The following GDI2 variants were observed in gnomAD, a reference collection of about 807,000 sequenced individuals.
GDI2 encodes the protein GDP dissociation inhibitor 2.
Under a neutral mutation model 54.2 loss-of-function variants are expected in GDI2, and 22 were observed. That is an observed-to-expected ratio of 0.41 (90% CI 0.29 to 0.58). The LOEUF (loss-of-function observed/expected upper bound fraction) is 0.58, where lower values mean the gene tolerates loss of function less well. GDI2 is among the 20% of genes least tolerant of loss of function. The pLI, the probability that GDI2 is intolerant of heterozygous loss-of-function variation, is 0.35. For missense variants in GDI2, 422 were observed against 546.0 expected (o/e 0.77, Z 2.26); for synonymous variants, 177 against 182.1 (o/e 0.97, Z 0.23).
rs1554791052 is a variant in GDI2, at chr10:5,809,244, C to CA, written c.45+3969dup. ...TGGGCAACAGAGTGAGACTCCATCT[C>CA]AAAAAAAAACAAAAAAAAAAACTGT... On this transcript the variant is annotated intron_variant, in intron 1 of 10. Coordinates refer to ENST00000380191, the MANE Select transcript of GDI2 (RefSeq NM_001494.4). Among the ~76,000 whole-genome samples, 183 of 134,214 alleles carry CA rather than the reference C, an allele frequency of 1.4e-3. 2 individuals are homozygous for CA. The highest frequency in any genetic ancestry group is 3.8e-3 in the African/African-American group (139 of 36,234). 88.0% of individuals were successfully genotyped at this position (134,214 alleles called of 152,430 possible).
At chr10:5,809,244 C>CAAAAAAAAACAAAAAAAAAAAACAAA (rs150113283) in intron 1 of GDI2, among the ~76,000 whole-genome samples, 1 of 134,170 alleles carries the variant, frequency 7.5e-6, no homozygotes, top group South Asian at 2.4e-4. Flanking sequence ...GACTCCATCT[C>CAAAAAAAAACAAAAAAAAAAAACAAA]AAAAAAAAAC....
At position 5,813,107 on chromosome 10, in the gene GDI2, G is replaced by A. The variant is rs977474594; in HGVS notation, c.45+107C>T. The A allele has an allele frequency of 1.2e-5, 8 of 655,486 alleles. No individual in the cohort carries two copies. The African/African-American group carries it at 1.5e-4, about 13-fold the overall frequency. 40.6% of individuals were successfully genotyped at this position (655,486 alleles called of 1,614,324 possible). A position where few individuals can be genotyped will look rare whatever the true frequency, so the allele number is the denominator to read the frequency against. ...GACTCCCGTCCCGAAAACTACGGCT[G>A]ACGGCAGAACGAGACCCCCGAGGAG... On this transcript the variant is annotated intron_variant, in intron 1 of 10. Transcript: ENST00000380191.
In GDI2 at chr10:5,785,898, C is replaced by T. The variant is rs748807997; in HGVS notation, c.541G>A (p.Val181Ile). The change falls in exon 5 of 11, where the codon GTT (valine) becomes ATT (isoleucine). Residue 181 changes from valine (V) to isoleucine (I), a missense_variant. Physicochemically the swap from Val to Ile is conservative, Grantham distance 29. Coordinates refer to ENST00000380191, the MANE Select transcript of GDI2 (RefSeq NM_001494.4). ...VYKKFDLGQD[V>I]IDFTGHALAL... ...AGAGCATGACCAGTAAAATCTATAACGTCTTGACCCAAATCAAATTTCTTA... is the reference window on the plus strand; with the variant it reads ...AGAGCATGACCAGTAAAATCTATAATGTCTTGACCCAAATCAAATTTCTTA... 9 of 1,611,688 alleles carry T rather than the reference C, an allele frequency of 5.6e-6. No homozygotes were observed. The highest frequency in any genetic ancestry group is 4.0e-5 in the African/African-American group (3 of 74,886).
At position 5,781,436 on chromosome 10, in the gene GDI2, G is replaced by T. The variant is rs57798956; in HGVS notation, c.719+3706C>A. Among the ~76,000 whole-genome samples the T allele has an allele frequency of 7.1e-3, 1,071 of 150,626 alleles. 20 individuals carry two copies. Among genetic ancestry groups the T allele is most frequent in the African/African-American group, 0.024 (990 of 41,022 alleles). On this transcript the variant is annotated intron_variant, in intron 6 of 10. Transcript: ENST00000380191. ...AAGTCAGCAGATCGACACCATCCCG[G>T]CTAACAGTGAAACCCCGTCTCTACT...
chr10:5,789,396 G>A (rs998493959), intron 4 of GDI2, among the ~76,000 whole-genome samples: 43 of 151,862 alleles, frequency 2.8e-4, no homozygotes, highest in Admixed American at 2.6e-3. Flanking sequence ...CACAGTAGCC[G>A]GCCAAATGAT....
chr10:5,812,606 A>G (rs770190500), intron 1 of GDI2, among the ~76,000 whole-genome samples: 15 of 152,234 alleles, frequency 9.9e-5, no homozygotes, highest in Non-Finnish European at 2.2e-4. Context: ...GGGTGGCTAA[A>G]AGGATTCAAT....
Position 5,776,505 on chromosome 10 carries a change from A to G in GDI2, c.720-2564T>C, listed in dbSNP as rs1162625459. 7.4e-7 allele frequency: 1 copy of G among 1,350,954 alleles called. No homozygotes were observed. The highest frequency in any genetic ancestry group is 1.7e-5 in the Admixed American group (1 of 59,016). 83.7% of individuals were successfully genotyped at this position (1,350,954 alleles called of 1,614,324 possible). A position where few individuals can be genotyped will look rare whatever the true frequency, so the allele number is the denominator to read the frequency against. ...GCCATGTATTAGAAGCAAAGGCCCG[A>G]AAGATAAAACAATTATAGAGAAGCA... On this transcript the variant is annotated intron_variant, in intron 6 of 10. Transcript: ENST00000380191. The surrounding 1 kb of genome is among the most constrained non-coding windows in gnomAD (Gnocchi z 5.3).
chr10:5,793,229 A>G (rs895147022), intron 4 of GDI2, among the ~76,000 whole-genome samples: 28 of 152,238 alleles, frequency 1.8e-4, no homozygotes, highest in African/African-American at 6.3e-4. Flanking sequence ...TCCTGGCCTA[A>G]ATCAATCCTC....
chr10:5,795,948 T>G (rs1304444838), intron 3 of GDI2, among the ~76,000 whole-genome samples: 1 of 151,272 alleles, frequency 6.6e-6, no homozygotes, highest in Non-Finnish European at 1.5e-5. Flanking sequence ...AAACAAACAA[T>G]AGAATATAAA....
At chr10:5,777,088 G>A (rs1455601983) in intron 6 of GDI2, among the ~76,000 whole-genome samples, 1 of 152,172 alleles carries the variant, frequency 6.6e-6, no homozygotes, top group African/African-American at 2.4e-5. Context: ...CTAAATTCAT[G>A]GAGGTTCAGT....
At position 5,800,627 on chromosome 10, in the gene GDI2, C is replaced by T; in HGVS notation, c.124G>A (p.Glu42Lys). The change falls in exon 2 of 11, where the codon GAG becomes AAG. Residue 42 changes from glutamate to lysine, a missense_variant. Transcript: ENST00000380191. The part of the protein sequence containing the change: ...HMDRNPYYGG[E>K]SASITPLEDL... ...TCCAATGGTGTTATAGATGCACTCT[C>T]TCCTCCGTAGTAAGGGTTTCGATCC... 1 of 1,585,034 alleles carries T rather than the reference C, an allele frequency of 6.3e-7. No individual in the cohort carries two copies. Among genetic ancestry groups the T allele is most frequent in the Non-Finnish European group, 8.7e-7 (1 of 1,153,446 alleles).
At chr10:5,812,300 G>A (rs1488248996) in intron 1 of GDI2, among the ~76,000 whole-genome samples, 1 of 151,954 alleles carries the variant, frequency 6.6e-6, no homozygotes, top group African/African-American at 2.4e-5. Flanking sequence ...CAGATAACCA[G>A]GAAAATCAAT....
intron 1 of GDI2, 128 bp downstream of exon 1, chr10:5,813,086 C>T (rs1459257257): frequency 3.5e-6 from 2 of 570,844 alleles, no homozygotes; most frequent in Non-Finnish European, 5.9e-6. Context: ...AGCCACGACT[C>T]CCGTCCCGAA....
At chr10:5,781,327 T>TAA (rs370529291) in intron 6 of GDI2, among the ~76,000 whole-genome samples, 3 of 146,674 alleles carry the variant, frequency 2.0e-5, no homozygotes, top group African/African-American at 7.5e-5. Context: ...TGGGGGCAAG[T>TAA]AAAAGACTTC....
In GDI2 at chr10:5,813,363, A is replaced by G; in HGVS notation, c.-105T>C. On this transcript the variant is annotated 5_prime_UTR_variant, in exon 1 of 11. Transcript: ENST00000380191. ...GCTCTTGGGCGCGAAGGAAAGGGGA[A>G]GAGAAAGAGAGGAAAATGGAGCTGG... 3.9e-6 allele frequency: 3 copies of G among 767,976 alleles called. No homozygotes were observed. In the South Asian group the frequency reaches 4.9e-5, roughly 12 times the overall value. The allele number at this position is 767,976 out of a possible 1,614,324, so 47.6% of individuals were successfully genotyped here. A position where few individuals can be genotyped will look rare whatever the true frequency, so the allele number is the denominator to read the frequency against.
intron 3 of GDI2, among the ~76,000 whole-genome samples, chr10:5,795,352 G>A (rs532895162): frequency 1.3e-5 from 2 of 152,050 alleles, no homozygotes; most frequent in African/African-American, 2.4e-5. Flanking sequence ...AAACTCCTAA[G>A]CTCAAACAAT....
Position 5,794,229 on chromosome 10 carries a change from AT to A in GDI2, c.388+655del, listed in dbSNP as rs1214970645. On this transcript the variant is annotated intron_variant, in intron 4 of 10. Transcript: ENST00000380191. ...TATATATATATATATATATATATATATATAAAACTCACCAGGAGTTCCTAAA... is the reference window on the plus strand; with the variant it reads ...TATATATATATATATATATATATATAATAAAACTCACCAGGAGTTCCTAAA... 9.2e-4 allele frequency among the ~76,000 whole-genome samples: 116 copies of A among 126,524 alleles called. 2 individuals are homozygous for A. Among genetic ancestry groups the A allele is most frequent in the South Asian group, 2.1e-3 (8 of 3,734 alleles). The allele number at this position is 126,524 out of a possible 152,430, so 83.0% of individuals were successfully genotyped here.
At position 5,766,425 on chromosome 10, in the gene GDI2, G is replaced by A. The variant is rs59100980; in HGVS notation, c.1136+69C>T. 8.9e-6 allele frequency: 14 copies of A among 1,569,896 alleles called. No individual in the cohort carries two copies. Among genetic ancestry groups the A allele is most frequent in the South Asian group, 3.3e-5 (3 of 90,120 alleles). ...AGCTACCTGCCTTGCCCTCACATTC[G>A]TCCCACCATGGAGCCACAATCAAAG... On this transcript the variant is annotated intron_variant, in intron 9 of 10. Transcript: ENST00000380191. The surrounding 1 kb of genome is among the most constrained non-coding windows in gnomAD (Gnocchi z 5.8).
chr10:5,801,442 CA>C (rs1841267586), intron 1 of GDI2, among the ~76,000 whole-genome samples: 1 of 151,876 alleles, frequency 6.6e-6, no homozygotes, highest in Non-Finnish European at 1.5e-5. Context: ...TTTGGGAAGC[CA>C]GGGGAGGTGG....
Sources: allele counts gnomAD v4.1 joint callset (sites outside exome capture counted in the v4.1 genomes callset), GRCh38; gene constraint gnomAD v4.1.1; non-coding constraint Gnocchi (gnomAD v3.1); transcripts MANE v1.5; gene names NCBI Gene and HGNC (gene_info 2026-07-23, HGNC 2026-07-21).